BRIP1: variants seen among roughly 807,000 people sequenced by gnomAD.
BRIP1 encodes BRCA1 interacting DNA helicase 1.
Under a neutral mutation model 119.7 loss-of-function variants are expected in BRIP1, and 88 were observed. The ratio of observed to expected loss-of-function variants is 0.74; its 90% CI spans 0.62 to 0.88. The LOEUF (loss-of-function observed/expected upper bound fraction) is 0.88. Ranked by LOEUF, BRIP1 falls within the 40% of genes least tolerant of loss-of-function variation. The pLI, the probability that BRIP1 is intolerant of heterozygous loss-of-function variation, is 0.00. For synonymous variants in BRIP1, 443 were observed against 496.5 expected, an observed-to-expected ratio of 0.89 and a Z score of 1.43; for missense variants, 1,259 against 1,455.4, an observed-to-expected ratio of 0.87 and a Z score of 2.20.
intron 16 of BRIP1, among the ~76,000 whole-genome samples, chr17:61,732,219 G>C (rs1042559835): frequency 1.3e-5 from 2 of 151,928 alleles, no homozygotes; most frequent in African/African-American, 2.4e-5. Context: ...CTGACCTCAA[G>C]TGATCCACCC....
At position 61,742,170 on chromosome 17, in the gene BRIP1, A is replaced by G. The variant is rs1266358214; in HGVS notation, c.2379+843T>C. 6.6e-6 allele frequency among the ~76,000 whole-genome samples: 1 copy of G among 152,202 alleles called. No homozygotes were observed. The highest frequency in any genetic ancestry group is 1.9e-4 in the East Asian group (1 of 5,204). On this transcript the variant is annotated intron_variant, in intron 16 of 19. Coordinates refer to ENST00000259008, the MANE Select transcript of BRIP1 (RefSeq NM_032043.3). The surrounding 1 kb of genome is among the most constrained non-coding windows in gnomAD (Gnocchi z 4.7). Reference sequence around the variant, plus strand: ...CATGAAACAACCTCTGCTAGCTTCAAACTTTTCTGCAGCCTCCTCACCTCT... The same window carrying G: ...CATGAAACAACCTCTGCTAGCTTCAGACTTTTCTGCAGCCTCCTCACCTCT...
chr17:61,781,936 A>C (rs56917715), intron 11 of BRIP1, among the ~76,000 whole-genome samples: 3 of 107,050 alleles, frequency 2.8e-5, no homozygotes, highest in Non-Finnish European at 3.8e-5. Context: ...AAAAAAAAAA[A>C]GTAAAATGTG....
At chr17:61,719,279 A>T (rs1603294778) in intron 16 of BRIP1, among the ~76,000 whole-genome samples, 1 of 151,030 alleles carries the variant, frequency 6.6e-6, no homozygotes, top group Non-Finnish European at 1.5e-5. Flanking sequence ...TGTGGTATAT[A>T]TACACAATGG....
intron 11 of BRIP1, among the ~76,000 whole-genome samples, chr17:61,783,327 C>T (rs1343782550): frequency 2.0e-5 from 3 of 152,030 alleles, no homozygotes; most frequent in Admixed American, 6.5e-5. Flanking sequence ...TATGATCGCT[C>T]TTATGTGAAA....
In BRIP1 at chr17:61,776,677, A is replaced by G; in HGVS notation, c.1936-115T>C. The G allele has an allele frequency of 8.6e-7, 1 of 1,159,268 alleles. No homozygotes were observed. Among genetic ancestry groups the G allele is most frequent in the South Asian group, 1.3e-5 (1 of 77,860 alleles). 71.8% of individuals were successfully genotyped at this position (1,159,268 alleles called of 1,614,324 possible). On this transcript the variant is annotated intron_variant, in intron 13 of 19. Coordinates refer to ENST00000259008, the MANE Select transcript of BRIP1 (RefSeq NM_032043.3). The surrounding 1 kb of genome is among the most constrained non-coding windows in gnomAD (Gnocchi z 5.0). ...GCAACAAGTTTAACAATTTATTTTT[A>G]AATTGTCAGGGGGTTTTCTATTACC...
At chr17:61,784,618 A>G (rs2077676790) in intron 10 of BRIP1, among the ~76,000 whole-genome samples, 194 bp from the exon 11 acceptor site, 1 of 144,492 alleles carries the variant, frequency 6.9e-6, no homozygotes, top group African/African-American at 2.4e-5. Context: ...GGGGCATATC[A>G]GGAGGTTTGG....
chr17:61,723,812 A>C (rs1303526781), intron 16 of BRIP1, among the ~76,000 whole-genome samples: 1 of 152,204 alleles, frequency 6.6e-6, no homozygotes, highest in African/African-American at 2.4e-5. Context: ...CAGGAAAAAG[A>C]CAAACTATTT....
intron 11 of BRIP1, among the ~76,000 whole-genome samples, chr17:61,781,737 A>G (rs917429786): frequency 2.1e-4 from 32 of 151,958 alleles, no homozygotes; most frequent in Non-Finnish European, 4.4e-5. Context: ...CCTGGCCAAC[A>G]TGGTGAAACC....
intron 14 of BRIP1, among the ~76,000 whole-genome samples, chr17:61,750,189 C>T (rs1207356425): frequency 2.0e-5 from 3 of 152,180 alleles, no homozygotes; most frequent in Non-Finnish European, 4.4e-5. Context: ...AAATTTCCTT[C>T]TATTCCTACC....
intron 3 of BRIP1, among the ~76,000 whole-genome samples, chr17:61,858,054 C>T (rs2145837234): frequency 6.6e-6 from 1 of 152,194 alleles, no homozygotes; most frequent in Non-Finnish European, 1.5e-5. Flanking sequence ...CATCAAAATA[C>T]ATTTTAAGGT....
At chr17:61,818,659 C>T (rs2078273918) in intron 6 of BRIP1, among the ~76,000 whole-genome samples, 1 of 152,098 alleles carries the variant, frequency 6.6e-6, no homozygotes, top group Non-Finnish European at 1.5e-5. Flanking sequence ...TTTTCATTTC[C>T]AATGAGGGGA....
In BRIP1 at chr17:61,687,569, T is replaced by C. The variant is rs2061380372; in HGVS notation, c.2576-1404A>G. On this transcript the variant is annotated intron_variant, in intron 18 of 19. Coordinates refer to ENST00000259008, the MANE Select transcript of BRIP1 (RefSeq NM_032043.3). The surrounding 1 kb of genome is among the most constrained non-coding windows in gnomAD (Gnocchi z 5.1). ...AAAAGGTAGAGTCTACACCCACACA[T>C]GGCTAATCTAAAACAAAATTTAACA... 6.6e-6 allele frequency among the ~76,000 whole-genome samples: 1 copy of C among 152,154 alleles called. No individual in the cohort carries two copies. Among genetic ancestry groups the C allele is most frequent in the African/African-American group, 2.4e-5 (1 of 41,434 alleles).
intron 16 of BRIP1, among the ~76,000 whole-genome samples, chr17:61,716,924 C>A (rs1236935312): frequency 8.5e-6 from 1 of 118,304 alleles, no homozygotes; most frequent in East Asian, 2.6e-4. Context: ...TTTACCACTT[C>A]ACATATGATG....
In BRIP1 at chr17:61,762,193, C is replaced by A. The variant is rs2077286687; in HGVS notation, c.2097+14208G>T. Among the ~76,000 whole-genome samples, 1 of 151,808 alleles carries A rather than the reference C, an allele frequency of 6.6e-6. No individual in the cohort carries two copies. The highest frequency in any genetic ancestry group is 1.5e-5 in the Non-Finnish European group (1 of 67,946). On this transcript the variant is annotated intron_variant, in intron 14 of 19. Transcript: ENST00000259008. The surrounding 1 kb of genome is among the most constrained non-coding windows in gnomAD (Gnocchi z 4.3). Reference sequence around the variant, plus strand: ...AAATGGTGCTAAGAAAATTAGATATCCACATGCAGAAGAATGAAAATGGAC... The same window carrying A: ...AAATGGTGCTAAGAAAATTAGATATACACATGCAGAAGAATGAAAATGGAC...
At position 61,708,361 on chromosome 17, in the gene BRIP1, T is replaced by G. The variant is rs961930588; in HGVS notation, c.2492+7590A>C. On this transcript the variant is annotated intron_variant, in intron 17 of 19. Transcript: ENST00000259008. The surrounding 1 kb of genome is among the most constrained non-coding windows in gnomAD (Gnocchi z 4.4). ...ATCCCTTTGTCCACCATGTCCATGC[T>G]GTATACTCTTTTTGCCCATTAGTCA... 6.6e-6 allele frequency among the ~76,000 whole-genome samples: 1 copy of G among 152,244 alleles called. No individual in the cohort carries two copies. Among genetic ancestry groups the G allele is most frequent in the Admixed American group, 6.5e-5 (1 of 15,280 alleles).
In BRIP1 at chr17:61,743,737, G is replaced by C. The variant is rs2077018224; in HGVS notation, c.2258-603C>G. ...GGGTCTCACTCTGTCAGCCAGGCTG[G>C]AGTGCAGTGGCACAATCACAGCTCA... On this transcript the variant is annotated intron_variant, in intron 15 of 19. Transcript: ENST00000259008. The surrounding 1 kb of genome is among the most constrained non-coding windows in gnomAD (Gnocchi z 4.3). Among the ~76,000 whole-genome samples the C allele has an allele frequency of 6.6e-6, 1 of 151,970 alleles. No individual in the cohort carries two copies. Among genetic ancestry groups the C allele is most frequent in the Non-Finnish European group, 1.5e-5 (1 of 68,002 alleles).
chr17:61,737,101 A>G (rs1354268196), intron 16 of BRIP1, among the ~76,000 whole-genome samples: 1 of 152,192 alleles, frequency 6.6e-6, no homozygotes, highest in African/African-American at 2.4e-5. Flanking sequence ...GAAAGAAGGG[A>G]ATCAAAATAG....
chr17:61,772,195 ATATATATATAT>A, intron 14 of BRIP1, among the ~76,000 whole-genome samples: 1 of 97,034 alleles, frequency 1.0e-5, no homozygotes, highest in African/African-American at 3.6e-5. Context: ...ATATATATAT[ATATATATATAT>A]ATAAAATGAA....
In BRIP1 at chr17:61,802,757, C is replaced by A. The variant is rs2078014984; in HGVS notation, c.919-1283G>T. 6.6e-6 allele frequency among the ~76,000 whole-genome samples: 1 copy of A among 152,108 alleles called. No homozygotes were observed. Among genetic ancestry groups the A allele is most frequent in the Non-Finnish European group, 1.5e-5 (1 of 68,008 alleles). On this transcript the variant is annotated intron_variant, in intron 7 of 19. Transcript: ENST00000259008. This position sits in a 1 kb window ranked among gnomAD's most constrained non-coding sequence, Gnocchi z 6.0. ...TAAGGCTGCAGTGAGCATTCTTATGCTGGTTTCTAAATATTTTCTTAGTCT... is the reference window on the plus strand; with the variant it reads ...TAAGGCTGCAGTGAGCATTCTTATGATGGTTTCTAAATATTTTCTTAGTCT...
Sources: gnomAD v4.1 joint callset for allele counts (sites outside exome capture counted in the v4.1 genomes callset) on GRCh38, gnomAD v4.1.1 for gene constraint, Gnocchi (gnomAD v3.1) non-coding constraint, MANE v1.5 for transcripts, NCBI Gene and HGNC (gene_info 2026-07-23, HGNC 2026-07-21) for gene names.